Variants in ZNF45 observed in about 807,000 individuals in gnomAD.
ZNF45 encodes BRC1744.
In ZNF45, 4 loss-of-function variants were observed where a neutral mutation model predicts 12.0. The observed-to-expected ratio is 0.33, with a 90% CI of 0.16 to 0.76. The LOEUF (loss-of-function observed/expected upper bound fraction) is 0.76, where lower values mean the gene tolerates loss of function less well. ZNF45 is among the 30% of genes least tolerant of loss of function. The probability of loss-of-function intolerance (pLI) is 0.60; values close to 1 mark genes in which losing one functional copy is unlikely to be tolerated. For synonymous variants in ZNF45, 272 were observed against 279.6 expected (o/e 0.97, Z 0.27); for missense variants, 700 against 813.0 (o/e 0.86, Z 1.69).
At position 43,928,064 on chromosome 19, in the gene ZNF45, C is replaced by T. The variant is rs998750444; in HGVS notation, c.-399-2606G>A. 2.6e-5 allele frequency among the ~76,000 whole-genome samples: 4 copies of T among 151,636 alleles called. No individual in the cohort carries two copies. The East Asian group carries it at 7.8e-4, about 29-fold the overall frequency. On this transcript the variant is annotated intron_variant, in intron 3 of 9. Transcript: ENST00000269973. ...GGCATGATGGCGAATGCCTGTAATC[C>T]CAGCTACTCAGGAGGATGAGGCAGG...
At chr19:43,933,556 A>C (rs540663559) in intron 2 of ZNF45, among the ~76,000 whole-genome samples, 1 of 152,212 alleles carries the variant, frequency 6.6e-6, no homozygotes, top group African/African-American at 2.4e-5. Context: ...AGGGAAAAAA[A>C]GTTGGTGGGA....
chr19:43,926,167 C>T (rs1171862797), intron 3 of ZNF45: 1 of 152,208 alleles, frequency 6.6e-6, no homozygotes, highest in Non-Finnish European at 1.5e-5. Context: ...ACTGAACCCA[C>T]CATCAGACAT....
At chr19:43,916,234 C>A (rs1972657375) in intron 9 of ZNF45, among the ~76,000 whole-genome samples, 1 of 152,074 alleles carries the variant, frequency 6.6e-6, no homozygotes, top group South Asian at 2.1e-4. Flanking sequence ...CCTGCCTTAT[C>A]CCCCCAAGCT....
intron 6 of ZNF45, among the ~76,000 whole-genome samples, chr19:43,922,828 T>C (rs930180259): frequency 7.1e-6 from 1 of 140,770 alleles, no homozygotes; most frequent in Non-Finnish European, 1.5e-5. Context: ...TTGTTTTTTT[T>C]TTTTTTTTTT....
intron 7 of ZNF45, among the ~76,000 whole-genome samples, chr19:43,920,531 C>T (rs1345942356): frequency 7.1e-4 from 1 of 1,408 alleles, no homozygotes; most frequent in Admixed American, 0.042. Context: ...CAGATGTTGC[C>T]GGGTGGGGGG....
chr19:43,917,561 C>T (rs1393071111), intron 9 of ZNF45, among the ~76,000 whole-genome samples: 5 of 152,168 alleles, frequency 3.3e-5, no homozygotes, highest in African/African-American at 1.2e-4. Flanking sequence ...TGTAGGCTCA[C>T]TGCAACCTCC....
intron 9 of ZNF45, among the ~76,000 whole-genome samples, chr19:43,917,674 C>T (rs568268268): frequency 1.5e-4 from 23 of 152,108 alleles, no homozygotes; most frequent in Admixed American, 3.3e-4. Flanking sequence ...TTAGTAGAGA[C>T]GGGGTTTCAC....
chr19:43,919,889 C>T (rs940931741), intron 7 of ZNF45, 190 bp from the exon 8 acceptor site: 11 of 499,942 alleles, frequency 2.2e-5, no homozygotes, highest in Non-Finnish European at 3.2e-5. Flanking sequence ...ATAATAAATG[C>T]TGTAAAGAAC....
rs1177919600 is a variant in ZNF45 at position 43,919,602 on chromosome 19, A to G, written c.113T>C (p.Leu38Pro). 6.2e-7 allele frequency: 1 copy of G among 1,612,878 alleles called. No homozygotes were observed. The highest frequency in any genetic ancestry group is 8.5e-7 in the Non-Finnish European group (1 of 1,179,286). Reference protein sequence around the residue: ...AQRKLYRDVMLENFRNVVSVG... With the variant: ...AQRKLYRDVMPENFRNVVSVG... ...TGAGACCACATTCCTGAAGTTCTCC[A>G]GCATCACATCTCGGTACAGCTTCCT... Residue 38 changes from leucine (L) to proline (P), a missense_variant, in exon 8 of 10, where the codon CTG becomes CCG. Physicochemically the swap from Leu to Pro is moderately conservative, Grantham distance 98. Coordinates refer to ENST00000269973, the MANE Select transcript of ZNF45 (RefSeq NM_003425.4).
chr19:43,914,041 G>A lies in ZNF45; in HGVS notation c.1395C>T (p.Gly465=). ...QASNLLAHQR[G]HTGEKPYKCG... ...ATTTGTAGGGTTTCTCTCCAGTGTG[G>A]CCTCTTTGATGGGCCAGAAGATTTG... The change falls in exon 10 of 10, where the codon GGC becomes GGT. Residue 465 remains glycine, a synonymous_variant. Transcript: ENST00000269973. 5 of 1,614,012 alleles carry A rather than the reference G, an allele frequency of 3.1e-6. No individual in the cohort carries two copies. Among genetic ancestry groups the A allele is most frequent in the South Asian group, 1.1e-5 (1 of 91,076 alleles).
At chr19:43,920,535 T>G (rs201171804) in intron 7 of ZNF45, among the ~76,000 whole-genome samples, 494 of 22,306 alleles carry the variant, frequency 0.022, 3 homozygotes, top group East Asian at 0.13. Context: ...TGTTGCCGGG[T>G]GGGGGGGGGG....
intron 3 of ZNF45, among the ~76,000 whole-genome samples, chr19:43,930,889 T>C (rs1974086152): frequency 6.6e-6 from 1 of 152,092 alleles, no homozygotes; most frequent in Admixed American, 6.6e-5. Context: ...TTGTAATCAG[T>C]ATAAGAATTA....
Position 43,919,637 on chromosome 19 carries a change from G to C in ZNF45, c.78C>G (p.Asp26Glu), listed in dbSNP as rs1972968430. 19 of 1,613,290 alleles carry C rather than the reference G, an allele frequency of 1.2e-5. No individual in the cohort carries two copies. Among genetic ancestry groups the C allele is most frequent in the Non-Finnish European group, 1.6e-5 (19 of 1,179,538 alleles). ...VFSEEELQLLDLAQRKLYRDV... is the reference protein window; with the variant it reads ...VFSEEELQLLELAQRKLYRDV... ...CTCGGTACAGCTTCCTCTGGGCAAG[G>C]TCCAGCAGTTGCAGCTCCTCCTCAG... Residue 26 changes from aspartate to glutamate, a missense_variant, in exon 8 of 10, where the codon GAC becomes GAG. Asp to Glu is a conservative substitution (Grantham distance 45). Transcript: ENST00000269973.
Position 43,934,973 on chromosome 19 carries a change from G to A in ZNF45, c.-805C>T, listed in dbSNP as rs1353482643. The A allele has an allele frequency of 1.3e-5, 2 of 152,302 alleles. No homozygotes were observed. The highest frequency in any genetic ancestry group is 6.5e-5 in the Admixed American group (1 of 15,288). 9.4% of individuals were successfully genotyped at this position (152,302 alleles called of 1,614,324 possible). On this transcript the variant is annotated 5_prime_UTR_variant, in exon 1 of 10. Coordinates refer to ENST00000269973, the MANE Select transcript of ZNF45 (RefSeq NM_003425.4). ...ACAGAGCTGTGGGAGGTGGGGGAAG[G>A]CGGGTCGGGCCGCTGAGAGCCCAGG...
intron 6 of ZNF45, among the ~76,000 whole-genome samples, chr19:43,922,714 G>C (rs1353440239): frequency 1.3e-5 from 2 of 151,802 alleles, no homozygotes; most frequent in East Asian, 3.9e-4. Context: ...AATTAAATGA[G>C]GGAAAAAGCT....
At position 43,914,571 on chromosome 19, in the gene ZNF45, A is replaced by T. The variant is rs143301061; in HGVS notation, c.865T>A (p.Ser289Thr). 2 of 1,612,594 alleles carry T rather than the reference A, an allele frequency of 1.2e-6. No individual in the cohort carries two copies. Among genetic ancestry groups the T allele is most frequent in the East Asian group, 4.5e-5 (2 of 44,780 alleles). ...EECGVGFSQR[S>T]YLQVHLKVHT... ...ACTTTCAGATGAACTTGAAGATATG[A>T]TCTCTGACTGAAGCCCACCCCACAC... The change falls in exon 10 of 10, where the codon TCA becomes ACA. Residue 289 changes from serine (S) to threonine (T), a missense_variant. By Grantham distance (58) the Ser-to-Thr change is moderately conservative (BLOSUM62 1). Coordinates refer to ENST00000269973, the MANE Select transcript of ZNF45 (RefSeq NM_003425.4).
At chr19:43,915,263 A>G (rs1972544773) in intron 9 of ZNF45, 63 bp from the exon 10 acceptor site, 6 of 1,430,772 alleles carry the variant, frequency 4.2e-6, no homozygotes, top group Non-Finnish European at 4.6e-6. Context: ...CAAGATGTCA[A>G]GTTTATAAAC....
Position 43,913,217 on chromosome 19 carries a change from G to A in ZNF45, c.*170C>T. ...CTCTTGTCTGCATGTATCAGCTAAT[G>A]GTCAATGTTCTGAATGCAGTCCATA... is the stretch of plus-strand genomic sequence containing the variant. On this transcript the variant is annotated 3_prime_UTR_variant, in exon 10 of 10. Transcript: ENST00000269973. 1.6e-6 allele frequency: 1 copy of A among 625,008 alleles called. No individual in the cohort carries two copies. The highest frequency in any genetic ancestry group is 2.6e-6 in the Non-Finnish European group (1 of 386,804). 38.7% of individuals were successfully genotyped at this position (625,008 alleles called of 1,614,324 possible). A position where few individuals can be genotyped will look rare whatever the true frequency, so the allele number is the denominator to read the frequency against.
At chr19:43,922,824 T>TTG (rs1973309132) in intron 6 of ZNF45, among the ~76,000 whole-genome samples, 1 of 138,326 alleles carries the variant, frequency 7.2e-6, no homozygotes, top group East Asian at 2.1e-4. Context: ...TTCTTTGTTT[T>TTG]TTTTTTTTTT....
Sources: allele counts gnomAD v4.1 joint callset (sites outside exome capture counted in the v4.1 genomes callset), GRCh38; gene constraint gnomAD v4.1.1; transcripts MANE v1.5; gene names NCBI Gene and HGNC (gene_info 2026-07-23, HGNC 2026-07-21).